Variants in MYH10 observed in about 807,000 individuals in gnomAD.
MYH10 encodes myosin-10.
A neutral mutation model predicts 257.8 loss-of-function variants in MYH10; 55 were observed. The ratio of observed to expected loss-of-function variants is 0.21; its 90% CI spans 0.17 to 0.27. The LOEUF (loss-of-function observed/expected upper bound fraction) is 0.27. Ranked by LOEUF, MYH10 falls within the 10% of genes least tolerant of loss-of-function variation. MYH10 has a pLI of 1.00. For synonymous variants in MYH10, 854 were observed against 921.7 expected, an observed-to-expected ratio of 0.93 and a Z score of 1.33; for missense variants, 1,631 against 2,500.6, an observed-to-expected ratio of 0.65 and a Z score of 7.42.
intron 6 of MYH10, among the ~76,000 whole-genome samples, chr17:8,575,743 A>G (rs2083476212): frequency 1.3e-5 from 2 of 152,238 alleles, no homozygotes; most frequent in Non-Finnish European, 1.5e-5. Context: ...AAGACCAACC[A>G]AAACCATTCC....
At chr17:8,476,010 T>A in intron 42 of MYH10, 62 bp from the exon 43 acceptor site, 1 of 1,550,348 alleles carries the variant, frequency 6.5e-7, no homozygotes, top group Non-Finnish European at 8.7e-7. Flanking sequence ...GCTGTCAATA[T>A]GTTCAACCAC....
chr17:8,596,785 CTAAT>C (rs2152063412), intron 3 of MYH10, among the ~76,000 whole-genome samples: 2 of 152,190 alleles, frequency 1.3e-5, no homozygotes, highest in East Asian at 3.9e-4. Context: ...GAGCCATCCT[CTAAT>C]TAATTACTTA....
rs529605907 is a variant in MYH10, at chr17:8,494,543, A to AT, written c.4056+593dup. On this transcript the variant is annotated intron_variant, in intron 31 of 42. Coordinates refer to ENST00000360416, the MANE Select transcript of MYH10 (RefSeq NM_001256012.3). ...TTATTCCACTTTTGGCCTGTCTGAG[A>AT]TTTTTTTTTTTAATCCCCAGCACCT... 8.4e-4 allele frequency among the ~76,000 whole-genome samples: 125 copies of AT among 148,128 alleles called. 4 individuals carry two copies. The South Asian group carries it at 0.02, about 24-fold the overall frequency.
rs1223832768 is a variant in MYH10, at chr17:8,499,499, T to C, written c.3745-23A>G. ...GAACTAGGAGACGGAAGGGAAAACA[T>C]AATTCACTAGTTATTTTCTAAAACT... On this transcript the variant is annotated intron_variant, in intron 29 of 42. Coordinates refer to ENST00000360416, the MANE Select transcript of MYH10 (RefSeq NM_001256012.3). 3 of 1,610,184 alleles carry C rather than the reference T, an allele frequency of 1.9e-6. No individual in the cohort carries two copies. In the East Asian group the frequency reaches 6.7e-5, roughly 36 times the overall value.
chr17:8,549,021 G>A lies in MYH10; in HGVS notation c.920-234C>T, dbSNP rs554394555. ...TGTTAACAACGCAAAAACCTTAACA[G>A]GAGTTTTGGGGATGGCAGTTTGTAC... On this transcript the variant is annotated intron_variant, in intron 9 of 42. Coordinates refer to ENST00000360416, the MANE Select transcript of MYH10 (RefSeq NM_001256012.3). Among the ~76,000 whole-genome samples, 5 of 152,284 alleles carry A rather than the reference G, an allele frequency of 3.3e-5. No individual in the cohort carries two copies. The South Asian group carries it at 1.0e-3, about 32-fold the overall frequency.
At chr17:8,511,439 G>A (rs1038400665) in intron 24 of MYH10, among the ~76,000 whole-genome samples, 3 of 152,146 alleles carry the variant, frequency 2.0e-5, no homozygotes, top group African/African-American at 7.2e-5. Flanking sequence ...GGAATCACTT[G>A]AACCGAGGAG....
intron 35 of MYH10, among the ~76,000 whole-genome samples, chr17:8,489,113 C>G (rs1915341841): frequency 6.6e-6 from 1 of 152,100 alleles, no homozygotes; most frequent in Non-Finnish European, 1.5e-5. Context: ...CCCTCCAGGA[C>G]AGTCAGGAGG....
chr17:8,529,765 T>C (rs1390345080), intron 17 of MYH10, among the ~76,000 whole-genome samples: 2 of 152,246 alleles, frequency 1.3e-5, no homozygotes, highest in African/African-American at 4.8e-5. Context: ...AGCATTATCA[T>C]GTTCCAAAAA....
At chr17:8,481,002 CT>C (rs940316918) in intron 38 of MYH10, among the ~76,000 whole-genome samples, 3 of 3,118 alleles carry the variant, frequency 9.6e-4, no homozygotes, top group African/African-American at 1.6e-3. Flanking sequence ...AAGGTCCTAT[CT>C]GAGGAACCTG....
chr17:8,560,527 T>G (rs1268628697), intron 7 of MYH10: 3 of 620,118 alleles, frequency 4.8e-6, no homozygotes, highest in Non-Finnish European at 8.7e-6. Flanking sequence ...CTTTGGCCCA[T>G]GCAGCTCCTT....
intron 2 of MYH10, among the ~76,000 whole-genome samples, chr17:8,614,860 C>T (rs2085195022): frequency 6.6e-6 from 1 of 152,034 alleles, no homozygotes; most frequent in Non-Finnish European, 1.5e-5. Flanking sequence ...AAGGGTAATA[C>T]AAATAAGTTA....
intron 1 of MYH10, among the ~76,000 whole-genome samples, chr17:8,630,360 C>A (rs1265224385): frequency 6.6e-6 from 1 of 151,806 alleles, no homozygotes; most frequent in African/African-American, 2.4e-5. Flanking sequence ...AGGCCCTGAC[C>A]CCCGCGGGTT....
chr17:8,564,180 C>G lies in MYH10; in HGVS notation c.756+5540G>C, dbSNP rs183424018. Among the ~76,000 whole-genome samples, 69 of 152,148 alleles carry G rather than the reference C, an allele frequency of 4.5e-4. No homozygotes were observed. The East Asian group carries it at 0.012, about 26-fold the overall frequency. On this transcript the variant is annotated intron_variant, in intron 7 of 42. Transcript: ENST00000360416. Reference sequence around the variant, plus strand: ...GTAATGCTCTCCTAAATAAAGAATCCCTTTAATATAAACCATATGCTAGTA... The same window carrying G: ...GTAATGCTCTCCTAAATAAAGAATCGCTTTAATATAAACCATATGCTAGTA...
chr17:8,517,002 G>A (rs1260491449), intron 21 of MYH10, among the ~76,000 whole-genome samples: 1 of 151,948 alleles, frequency 6.6e-6, no homozygotes, highest in African/African-American at 2.4e-5. Context: ...TTAGCCGGGT[G>A]TGGTGGCGGG....
At chr17:8,544,446 G>C (rs964039228) in intron 13 of MYH10, among the ~76,000 whole-genome samples, 1 of 152,120 alleles carries the variant, frequency 6.6e-6, no homozygotes, top group Non-Finnish European at 1.5e-5. Flanking sequence ...AGAGGAAAGT[G>C]ACAGATTTTT....
chr17:8,554,786 C>T, intron 7 of MYH10, among the ~76,000 whole-genome samples: 1 of 152,104 alleles, frequency 6.6e-6, no homozygotes, highest in African/African-American at 2.4e-5. Context: ...CCCGTCTCTA[C>T]TAAAAATACA....
rs745469724 is a variant in MYH10 at position 8,518,768 on chromosome 17, T to C, written c.2367A>G (p.Pro789=). The change falls in exon 21 of 43, where the codon CCA becomes CCG. Residue 789 remains proline, a synonymous_variant. Coordinates refer to ENST00000360416, the MANE Select transcript of MYH10 (RefSeq NM_001256012.3). The part of the protein sequence containing the change: ...ERMIRALELD[P]NLYRIGQSKI... Reference sequence around the variant, plus strand: ...TGCTCTGTCCAATTCTGTACAAGTTTGGGTCCAATTCTAAAGCCCGGATCT... The same window carrying C: ...TGCTCTGTCCAATTCTGTACAAGTTCGGGTCCAATTCTAAAGCCCGGATCT... The C allele has an allele frequency of 1.2e-6, 2 of 1,613,612 alleles. No individual in the cohort carries two copies. The highest frequency in any genetic ancestry group is 1.1e-5 in the South Asian group (1 of 90,848).
At position 8,604,836 on chromosome 17, in the gene MYH10, G is replaced by A; in HGVS notation, c.492C>T (p.Cys164=). The part of the protein sequence containing the change: ...IYAISESAYR[C]MLQDREDQSI... ...AATATTTCCAATTACCTTGAAGCAT[G>A]CATCTGTAAGCAGATTCAGATATAG... The change falls in exon 3 of 43, where the codon TGC becomes TGT. Residue 164 remains cysteine, a synonymous_variant. Coordinates refer to ENST00000360416, the MANE Select transcript of MYH10 (RefSeq NM_001256012.3). The A allele has an allele frequency of 1.3e-6, 2 of 1,543,628 alleles. No homozygotes were observed. The highest frequency in any genetic ancestry group is 8.7e-7 in the Non-Finnish European group (1 of 1,145,666).
chr17:8,518,064 GAGGACT>G (rs1375625420), intron 21 of MYH10, among the ~76,000 whole-genome samples: 2 of 148,350 alleles, frequency 1.3e-5, no homozygotes, highest in African/African-American at 5.0e-5. Flanking sequence ...AGCATTCTCT[GAGGACT>G]TGAGCTGAGG....
Sources: gnomAD v4.1 joint callset for allele counts (sites outside exome capture counted in the v4.1 genomes callset) on GRCh38, gnomAD v4.1.1 for gene constraint, MANE v1.5 for transcripts, NCBI Gene and HGNC (gene_info 2026-07-23, HGNC 2026-07-21) for gene names.